The following ADD3 variants were observed in gnomAD, a reference collection of about 807,000 sequenced individuals.
ADD3 encodes adducin 3.
ADD3 carries 25 observed loss-of-function variants against 80.2 expected under a neutral mutation model. The observed-to-expected ratio is 0.31, with a 90% CI of 0.23 to 0.44. The LOEUF (loss-of-function observed/expected upper bound fraction) is 0.44, where lower values mean the gene tolerates loss of function less well. ADD3 is among the 20% of genes least tolerant of loss of function. The probability of loss-of-function intolerance (pLI) is 1.00; values close to 1 mark genes in which losing one functional copy is unlikely to be tolerated. For missense variants in ADD3, 829 were observed against 847.5 expected (o/e 0.98, Z 0.27); for synonymous variants, 284 against 289.6 (o/e 0.98, Z 0.20).
chr10:110,104,350 C>T (rs546123570), intron 2 of ADD3, among the ~76,000 whole-genome samples: 32 of 152,160 alleles, frequency 2.1e-4, no homozygotes, highest in Non-Finnish European at 3.8e-4. Context: ...CTAAGTCATC[C>T]TTCCTTTTTC....
upstream of ADD3, among the ~76,000 whole-genome samples, chr10:110,005,556 GTTA>G (rs1396687118): frequency 6.6e-6 from 1 of 151,842 alleles, no homozygotes; most frequent in Non-Finnish European, 1.5e-5. Flanking sequence ...CCTTTATATA[GTTA>G]TTATTTTAGT....
At chr10:110,020,935 C>A (rs925664102) in intron 1 of ADD3, among the ~76,000 whole-genome samples, 8 of 152,158 alleles carry the variant, frequency 5.3e-5, no homozygotes, top group Non-Finnish European at 1.0e-4. Context: ...TTGAGACATT[C>A]ATTTGAAATG....
intron 1 of ADD3, among the ~76,000 whole-genome samples, chr10:110,014,778 C>T (rs575239326): frequency 1.3e-5 from 2 of 151,970 alleles, no homozygotes; most frequent in African/African-American, 2.4e-5. Flanking sequence ...CCACCCGCCT[C>T]GGCCTCCCAA....
chr10:110,085,977 A>G (rs938672082), intron 1 of ADD3, among the ~76,000 whole-genome samples: 4 of 152,008 alleles, frequency 2.6e-5, no homozygotes, highest in African/African-American at 9.7e-5. Flanking sequence ...TGGTGGTACA[A>G]GCCTGTAATC....
intron 1 of ADD3, among the ~76,000 whole-genome samples, chr10:110,021,397 A>G (rs1438296852): frequency 6.6e-6 from 1 of 152,220 alleles, no homozygotes; most frequent in Non-Finnish European, 1.5e-5. Context: ...ATGTGTTCCC[A>G]CAAAAAAATT....
At chr10:109,996,748 T>C (rs12245849) in intron 1 of ADD3, among the ~76,000 whole-genome samples, 1,910 of 152,312 alleles carry the variant, frequency 0.013, 52 homozygotes, top group African/African-American at 0.043. Context: ...TAGTAGAAAC[T>C]ATGAAATAAA....
chr10:110,096,871 T>C (rs1848232641), intron 1 of ADD3, among the ~76,000 whole-genome samples: 1 of 152,102 alleles, frequency 6.6e-6, no homozygotes. Flanking sequence ...AGAGCCCAAA[T>C]CAGGAGTCCA....
chr10:110,127,577 A>C (rs1314958641), intron 12 of ADD3, among the ~76,000 whole-genome samples: 1 of 152,246 alleles, frequency 6.6e-6, no homozygotes, highest in Non-Finnish European at 1.5e-5. Flanking sequence ...AGATCATGCC[A>C]CTGTACTCCA....
intron 9 of ADD3, among the ~76,000 whole-genome samples, chr10:110,123,122 G>T (rs2134162306): frequency 6.6e-6 from 1 of 152,254 alleles, no homozygotes; most frequent in East Asian, 1.9e-4. Flanking sequence ...ATCCATCAAT[G>T]GACACTTAGG....
At chr10:110,099,651 G>T (rs957411585) in intron 1 of ADD3, among the ~76,000 whole-genome samples, 1 of 152,204 alleles carries the variant, frequency 6.6e-6, no homozygotes, top group African/African-American at 2.4e-5. Context: ...CCATTCTGGA[G>T]TGTTTCATCT....
intron 9 of ADD3, chr10:110,123,710 T>C (rs1851797671): frequency 4.1e-6 from 1 of 245,890 alleles, no homozygotes; most frequent in Non-Finnish European, 8.0e-6. Context: ...GAGATTTGCT[T>C]CCCCAGAACA....
intron 1 of ADD3, among the ~76,000 whole-genome samples, chr10:110,068,032 A>G (rs752394987): frequency 6.6e-6 from 1 of 152,056 alleles, no homozygotes; most frequent in Non-Finnish European, 1.5e-5. Context: ...TTTCAGTTAA[A>G]CAAAACCAAA....
chr10:110,130,638 T>C, intron 13 of ADD3, 152 bp downstream of exon 13: 1 of 774,854 alleles, frequency 1.3e-6, no homozygotes, highest in Non-Finnish European at 2.0e-6. Flanking sequence ...GGTGGATTGC[T>C]TGAGGTCAGG....
At chr10:110,028,223 C>T (rs574562923) in intron 1 of ADD3, among the ~76,000 whole-genome samples, 1 of 152,250 alleles carries the variant, frequency 6.6e-6, no homozygotes, top group Admixed American at 6.5e-5. Context: ...CCCCATCTCC[C>T]CTTATGAGAC....
intron 1 of ADD3, among the ~76,000 whole-genome samples, chr10:110,037,604 CAAA>C (rs998064830): frequency 1.2e-4 from 6 of 51,116 alleles, no homozygotes; most frequent in Admixed American, 7.7e-4. Flanking sequence ...GACTCAGTCT[CAAA>C]AAAAAAAAAA....
chr10:110,113,934 C>A (rs1850364144), intron 3 of ADD3, among the ~76,000 whole-genome samples: 1 of 152,154 alleles, frequency 6.6e-6, no homozygotes. Flanking sequence ...AAGCTGTGGA[C>A]ATTGATTAAA....
chr10:110,115,301 T>C (rs1850583928), intron 3 of ADD3, among the ~76,000 whole-genome samples: 2 of 151,932 alleles, frequency 1.3e-5, no homozygotes, highest in Admixed American at 1.3e-4. Context: ...GGCGGGAGAA[T>C]CGCTTTGAAC....
intron 1 of ADD3, among the ~76,000 whole-genome samples, chr10:110,074,946 G>A (rs1160006938): frequency 6.6e-6 from 1 of 152,180 alleles, no homozygotes; most frequent in South Asian, 2.1e-4. Flanking sequence ...GATTGGATCT[G>A]TAAATTTACA....
At chr10:110,068,521 C>T (rs987086105) in intron 1 of ADD3, among the ~76,000 whole-genome samples, 1 of 152,144 alleles carries the variant, frequency 6.6e-6, no homozygotes, top group African/African-American at 2.4e-5. Context: ...CATTTTATAT[C>T]AGAGACTTGA....
Sources: gnomAD v4.1 joint callset for allele counts (sites outside exome capture counted in the v4.1 genomes callset) on GRCh38, gnomAD v4.1.1 for gene constraint, MANE v1.5 for transcripts, NCBI Gene and HGNC (gene_info 2026-07-23, HGNC 2026-07-21) for gene names.